MAP1A: variants seen among roughly 807,000 people sequenced by gnomAD.
MAP1A encodes microtubule associated protein 1A, also known as microtubule-associated protein 1A.
Under a neutral mutation model 185.9 loss-of-function variants are expected in MAP1A, and 42 were observed. That is an observed-to-expected ratio of 0.23 (90% CI 0.18 to 0.29). MAP1A has a LOEUF of 0.29. MAP1A is among the 10% of genes least tolerant of loss of function. The pLI, the probability that MAP1A is intolerant of heterozygous loss-of-function variation, is 1.00. For synonymous variants in MAP1A, 1,229 were observed against 1,335.9 expected, an observed-to-expected ratio of 0.92 and a Z score of 1.74; for missense variants, 2,995 against 3,450.4, an observed-to-expected ratio of 0.87 and a Z score of 3.31.
Position 43,523,870 on chromosome 15 carries a change from C to T in MAP1A, c.2397C>T (p.Gly799=), listed in dbSNP as rs1379502823. Reference sequence around the variant, plus strand: ...ATAGTGCTGTTCCTGCTACCTCTGGCAAAGTCTATGGAACGCCAGAGACTG... The same window carrying T: ...ATAGTGCTGTTCCTGCTACCTCTGGTAAAGTCTATGGAACGCCAGAGACTG... ...PADSAVPATS[G]KVYGTPETEL... The change falls in exon 4 of 6, where the codon GGC becomes GGT. Residue 799 remains glycine (G), a synonymous_variant. Coordinates refer to ENST00000300231, the MANE Select transcript of MAP1A (RefSeq NM_002373.6). 1.2e-6 allele frequency: 2 copies of T among 1,614,180 alleles called. No individual in the cohort carries two copies. Among genetic ancestry groups the T allele is most frequent in the South Asian group, 2.2e-5 (2 of 91,082 alleles).
At position 43,528,842 on chromosome 15, in the gene MAP1A, C is replaced by G. The variant is rs1015539319; in HGVS notation, c.7369C>G (p.Leu2457Val). ...CTCCCCATCCTTCCTGAACCCACCT[C>G]TGCCCCCATCCATAGATGATAGGGA... ...ELSPSFLNPP[L>V]PPSIDDRDLS... is the part of the protein sequence containing the mutation. The change falls in exon 4 of 6, where the codon CTG becomes GTG. Residue 2457 changes from leucine (L) to valine (V), a missense_variant. Physicochemically the swap from Leu to Val is conservative, Grantham distance 32 (BLOSUM62 1). Coordinates refer to ENST00000300231, the MANE Select transcript of MAP1A (RefSeq NM_002373.6). 6.2e-7 allele frequency: 1 copy of G among 1,613,560 alleles called. No homozygotes were observed. The highest frequency in any genetic ancestry group is 1.3e-5 in the African/African-American group (1 of 75,028).
At position 43,526,442 on chromosome 15, in the gene MAP1A, A is replaced by G. The variant is rs547706780; in HGVS notation, c.4969A>G (p.Arg1657Gly). The change falls in exon 4 of 6, where the codon AGA (arginine) becomes GGA (glycine). Residue 1657 changes from arginine (R) to glycine (G), a missense_variant. Arg to Gly is a moderately radical substitution (Grantham distance 125). Transcript: ENST00000300231. This position sits in a 1 kb window ranked among gnomAD's most constrained non-coding sequence, Gnocchi z 4.7. ...VQEWQETSPT[R>G]EEPAGEQKEL... is the part of the protein sequence containing the mutation. The stretch of plus-strand genomic sequence containing the variant: ...GGAGTGGCAAGAAACATCTCCTACC[A>G]GAGAGGAGCCGGCTGGAGAACAGAA... The G allele has an allele frequency of 4.8e-5, 78 of 1,614,068 alleles. No homozygotes were observed. Among genetic ancestry groups the G allele is most frequent in the Non-Finnish European group, 6.3e-5 (74 of 1,180,020 alleles).
chr15:43,525,921 G>A lies in MAP1A; in HGVS notation c.4448G>A (p.Arg1483Lys), dbSNP rs1273870498. Residue 1483 changes from arginine (R) to lysine (K), a missense_variant, in exon 4 of 6, where the codon AGG becomes AAG. Around this residue, in one of 3 missense-constraint regions of MAP1A, gnomAD observed 2,728 missense variants for 2,986.0 expected, o/e 0.91. Coordinates refer to ENST00000300231, the MANE Select transcript of MAP1A (RefSeq NM_002373.6). ...GATAAAGACTTGGAACAAAAGGACA[G>A]GGTCCTAGAACAGAAGGAGAAGATC... Reference protein sequence around the residue: ...PKDKDLEQKDRVLEQKEKIPE... With the variant: ...PKDKDLEQKDKVLEQKEKIPE... 5.0e-6 allele frequency: 8 copies of A among 1,613,716 alleles called. No homozygotes were observed. The highest frequency in any genetic ancestry group is 5.9e-6 in the Non-Finnish European group (7 of 1,179,890).
rs1226462419 is a variant in MAP1A at position 43,531,111 on chromosome 15, A to G, written c.*887A>G. 1.3e-5 allele frequency: 2 copies of G among 152,652 alleles called. No individual in the cohort carries two copies. Among genetic ancestry groups the G allele is most frequent in the Non-Finnish European group, 2.9e-5 (2 of 68,088 alleles). The allele number at this position is 152,652 out of a possible 1,614,324, so 9.5% of individuals were successfully genotyped here. A position where few individuals can be genotyped will look rare whatever the true frequency, so the allele number is the denominator to read the frequency against. ...GGTTAAAAATAAGCCACTGCCTGAC[A>G]TCCCAACATTTGACACCCCAGCAAT... On this transcript the variant is annotated 3_prime_UTR_variant, in exon 6 of 6. Coordinates refer to ENST00000300231, the MANE Select transcript of MAP1A (RefSeq NM_002373.6).
chr15:43,529,378 G>A lies in MAP1A; in HGVS notation c.7905G>A (p.Gly2635=). Residue 2635 remains glycine, a synonymous_variant, in exon 4 of 6, where the codon GGG becomes GGA. Transcript: ENST00000300231. The surrounding 1 kb of genome is among the most constrained non-coding windows in gnomAD (Gnocchi z 4.3). ...RGKRSPTPGK[G]PADRASRAPP... ...AACGCTCACCCACCCCTGGTAAAGG[G>A]CCTGCAGATCGAGCATCCCGGGCCC... 1 of 1,613,932 alleles carries A rather than the reference G, an allele frequency of 6.2e-7. No homozygotes were observed.
At position 43,528,490 on chromosome 15, in the gene MAP1A, C is replaced by T. The variant is rs775502748; in HGVS notation, c.7017C>T (p.Cys2339=). The change falls in exon 4 of 6, where the codon TGC becomes TGT. Residue 2339 remains cysteine (C), a synonymous_variant. Transcript: ENST00000300231. ...GDGILPCHLE[C]SEAATEKPSP... The stretch of plus-strand genomic sequence containing the variant: ...GCATCCTGCCGTGCCACCTGGAGTG[C>T]TCAGAGGCAGCCACGGAGAAGCCAA... 6 of 1,613,530 alleles carry T rather than the reference C, an allele frequency of 3.7e-6. No homozygotes were observed. Among genetic ancestry groups the T allele is most frequent in the Middle Eastern group, 1.6e-4 (1 of 6,062 alleles).
At chr15:43,511,365 CT>C (rs1281073959) in intron 1 of MAP1A, 11 of 665,962 alleles carry the variant, frequency 1.7e-5, no homozygotes, top group Non-Finnish European at 2.9e-5. Context: ...TCACCTGCAT[CT>C]TCCATGCCAT....
chr15:43,525,222 C>G lies in MAP1A; in HGVS notation c.3749C>G (p.Thr1250Arg). 5.6e-6 allele frequency: 9 copies of G among 1,614,154 alleles called. No homozygotes were observed. Among genetic ancestry groups the G allele is most frequent in the Non-Finnish European group, 7.6e-6 (9 of 1,180,018 alleles). Residue 1250 changes from threonine (T) to arginine (R), a missense_variant, in exon 4 of 6, where the codon ACA becomes AGA. By Grantham distance (71) the Thr-to-Arg change is moderately conservative. Coordinates refer to ENST00000300231, the MANE Select transcript of MAP1A (RefSeq NM_002373.6). The stretch of plus-strand genomic sequence containing the variant: ...CAGGCCGAGGATACCTCTCACCACA[C>G]AGCTCCCATGTCTGTTCCAGAGCCC... ...LMQAEDTSHHTAPMSVPEPHA... is the reference protein window; with the variant it reads ...LMQAEDTSHHRAPMSVPEPHA...
At position 43,520,970 on chromosome 15, in the gene MAP1A, A is replaced by C; in HGVS notation, c.-291-2A>C. On this transcript the variant is annotated splice_acceptor_variant, in intron 2 of 5. Coordinates refer to ENST00000300231, the MANE Select transcript of MAP1A (RefSeq NM_002373.6). LOFTEE classifies it low-confidence loss of function (5UTR_SPLICE). ...GTGACCACTCCCCTTCTTCCATTCC[A>C]GGTTCATCATCTTCTTAGCAGCTCA... 1 of 1,549,580 alleles carries C rather than the reference A, an allele frequency of 6.5e-7. No homozygotes were observed. Among genetic ancestry groups the C allele is most frequent in the Non-Finnish European group, 8.7e-7 (1 of 1,146,400 alleles).
rs2079321120 is a variant in MAP1A, at chr15:43,521,986, C to G, written c.513C>G (p.Ile171Met). 6.2e-7 allele frequency: 1 copy of G among 1,614,110 alleles called. No homozygotes were observed. Among genetic ancestry groups the G allele is most frequent in the Non-Finnish European group, 8.5e-7 (1 of 1,180,052 alleles). The change falls in exon 4 of 6, where the codon ATC (isoleucine) becomes ATG (methionine). Residue 171 changes from isoleucine (I) to methionine (M), a missense_variant. Ile to Met is a conservative substitution (Grantham distance 10). Coordinates refer to ENST00000300231, the MANE Select transcript of MAP1A (RefSeq NM_002373.6). This position sits in a 1 kb window ranked among gnomAD's most constrained non-coding sequence, Gnocchi z 4.6. Reference protein sequence around the residue: ...LTLQHLNRLGIQAEPLYRVVS... With the variant: ...LTLQHLNRLGMQAEPLYRVVS... ...TGCAGCACTTAAACCGCCTGGGCAT[C>G]CAGGCTGAGCCTCTATATCGTGTGG...
chr15:43,521,436 T>A lies in MAP1A; in HGVS notation c.-38T>A, dbSNP rs1325967315. 1.9e-6 allele frequency: 3 copies of A among 1,614,114 alleles called. No homozygotes were observed. In the South Asian group the frequency reaches 3.3e-5, roughly 18 times the overall value. On this transcript the variant is annotated 5_prime_UTR_variant, in exon 4 of 6. Transcript: ENST00000300231. The surrounding 1 kb of genome is among the most constrained non-coding windows in gnomAD (Gnocchi z 4.6). Reference sequence around the variant, plus strand: ...GGATTATCCAGTTCCCAAGAGACCCTGCACCTCCGGCTAAACCCTGAGCCC... The same window carrying A: ...GGATTATCCAGTTCCCAAGAGACCCAGCACCTCCGGCTAAACCCTGAGCCC...
upstream of MAP1A, among the ~76,000 whole-genome samples, chr15:43,515,441 T>C (rs899110426): frequency 6.6e-6 from 1 of 152,178 alleles, no homozygotes; most frequent in Non-Finnish European, 1.5e-5. Context: ...ACTGCAGGCA[T>C]CTTTAGTTCT....
rs768730706 is a variant in MAP1A, at chr15:43,522,323, C to T, written c.850C>T (p.Arg284Trp). The T allele has an allele frequency of 6.2e-6, 10 of 1,614,128 alleles. No homozygotes were observed. The highest frequency in any genetic ancestry group is 6.8e-6 in the Non-Finnish European group (8 of 1,180,018). ...GATCTTGGAGGGCCTAGAAAAGCTT[C>T]GGCATCTGGACTTCCTGCGTTACCC... ...NKILEGLEKL[R>W]HLDFLRYPVA... The change falls in exon 4 of 6, where the codon CGG becomes TGG. Residue 284 changes from arginine to tryptophan, a missense_variant. Arg to Trp is a moderately radical substitution (Grantham distance 101). Coordinates refer to ENST00000300231, the MANE Select transcript of MAP1A (RefSeq NM_002373.6). The surrounding 1 kb of genome is among the most constrained non-coding windows in gnomAD (Gnocchi z 5.9).
Position 43,525,763 on chromosome 15 carries a change from A to G in MAP1A, c.4290A>G (p.Glu1430=). 1 of 1,614,212 alleles carries G rather than the reference A, an allele frequency of 6.2e-7. No homozygotes were observed. The part of the protein sequence containing the change: ...TALEQKDKAL[E]PKDKDLEEKD... ...TAGAACAGAAGGACAAGGCCCTGGA[A>G]CCAAAAGACAAAGACTTAGAAGAAA... The change falls in exon 4 of 6, where the codon GAA becomes GAG. Residue 1430 remains glutamate, a synonymous_variant. Coordinates refer to ENST00000300231, the MANE Select transcript of MAP1A (RefSeq NM_002373.6).
Position 43,529,402 on chromosome 15 carries a change from C to T in MAP1A, c.7929C>T (p.Ala2643=), listed in dbSNP as rs1255830206. The part of the protein sequence containing the change: ...GKGPADRASR[A]PPRPRSTTSQ... ...GGCCTGCAGATCGAGCATCCCGGGC[C>T]CCACCTCGACCACGCAGCACCACAA... The change falls in exon 4 of 6, where the codon GCC becomes GCT. Residue 2643 remains alanine (A), a synonymous_variant. Coordinates refer to ENST00000300231, the MANE Select transcript of MAP1A (RefSeq NM_002373.6). The surrounding 1 kb of genome is among the most constrained non-coding windows in gnomAD (Gnocchi z 4.3). The T allele has an allele frequency of 2.5e-6, 4 of 1,613,884 alleles. No homozygotes were observed. In the South Asian group the frequency reaches 4.4e-5, roughly 18 times the overall value.
rs201586108 is a variant in MAP1A at position 43,526,700 on chromosome 15, C to G, written c.5227C>G (p.Arg1743Gly). ...GPDDEQEVPL[R>G]EHATRSPWAS... ...AGATGATGAGCAAGAAGTACCCCTG[C>G]GGGAACACGCAACCCGGAGCCCCTG... is the stretch of plus-strand genomic sequence containing the variant. Residue 1743 changes from arginine to glycine, a missense_variant, in exon 4 of 6, where the codon CGG becomes GGG. Around this residue, in one of 3 missense-constraint regions of MAP1A, gnomAD observed 2,728 missense variants for 2,986.0 expected, o/e 0.91. Coordinates refer to ENST00000300231, the MANE Select transcript of MAP1A (RefSeq NM_002373.6). The surrounding 1 kb of genome is among the most constrained non-coding windows in gnomAD (Gnocchi z 4.7). 6.2e-7 allele frequency: 1 copy of G among 1,613,934 alleles called. No individual in the cohort carries two copies. The highest frequency in any genetic ancestry group is 1.3e-5 in the African/African-American group (1 of 75,038).
chr15:43,528,731 G>A lies in MAP1A; in HGVS notation c.7258G>A (p.Gly2420Arg), dbSNP rs200292939. Residue 2420 changes from glycine (G) to arginine (R), a missense_variant, in exon 4 of 6, where the codon GGG becomes AGG. Physicochemically the swap from Gly to Arg is moderately radical, Grantham distance 125. Coordinates refer to ENST00000300231, the MANE Select transcript of MAP1A (RefSeq NM_002373.6). ...GCCAGTGTGTCCTGCAGGGGGCTCC[G>A]GGGGCCCACCCAGCAGTGCCTCTCC... is the stretch of plus-strand genomic sequence containing the variant. ...EQPVCPAGGSGGPPSSASPEV... is the reference protein window; with the variant it reads ...EQPVCPAGGSRGPPSSASPEV... The A allele has an allele frequency of 9.7e-5, 156 of 1,612,480 alleles. No homozygotes were observed. The highest frequency in any genetic ancestry group is 1.2e-4 in the Non-Finnish European group (143 of 1,179,342).
chr15:43,528,468 T>A lies in MAP1A; in HGVS notation c.6995T>A (p.Ile2332Asn). 6.2e-7 allele frequency: 1 copy of A among 1,613,468 alleles called. No individual in the cohort carries two copies. The highest frequency in any genetic ancestry group is 2.2e-5 in the East Asian group (1 of 44,884). The change falls in exon 4 of 6, where the codon ATC (isoleucine) becomes AAC (asparagine). Residue 2332 changes from isoleucine (I) to asparagine (N), a missense_variant. By Grantham distance (149) the Ile-to-Asn change is moderately radical (BLOSUM62 -3). Coordinates refer to ENST00000300231, the MANE Select transcript of MAP1A (RefSeq NM_002373.6). The stretch of plus-strand genomic sequence containing the variant: ...CTGCCTGGAGACATGGGTGATGGCA[T>A]CCTGCCGTGCCACCTGGAGTGCTCA... ...PSLPGDMGDGILPCHLECSEA... is the reference protein window; with the variant it reads ...PSLPGDMGDGNLPCHLECSEA...
chr15:43,511,734 G>A (rs575000479), intron 1 of MAP1A, among the ~76,000 whole-genome samples: 8 of 152,346 alleles, frequency 5.3e-5, no homozygotes, highest in South Asian at 4.1e-4. Flanking sequence ...GCCTGTGGCT[G>A]TGGTGCAGTG....
Sources: gnomAD v4.1 joint callset for allele counts (sites outside exome capture counted in the v4.1 genomes callset) on GRCh38, gnomAD v4.1.1 for gene constraint, gnomAD v4.1.1 regional missense constraint, Gnocchi (gnomAD v3.1) non-coding constraint, MANE v1.5 for transcripts, NCBI Gene and HGNC (gene_info 2026-07-23, HGNC 2026-07-21) for gene names.